GLRA3: variants seen among roughly 807,000 people sequenced by gnomAD.
GLRA3 encodes glycine receptor subunit alpha-3.
GLRA3 carries 44 observed loss-of-function variants against 60.4 expected under a neutral mutation model. The ratio of observed to expected loss-of-function variants is 0.73; its 90% CI spans 0.57 to 0.94. GLRA3 has a LOEUF of 0.94. Among genes scored for constraint, GLRA3 ranks in the 40% least tolerant of loss-of-function variants. GLRA3 has a pLI of 0.00. For missense variants in GLRA3, 508 were observed against 564.6 expected, an observed-to-expected ratio of 0.90 and a Z score of 1.02; for synonymous variants, 223 against 192.9, an observed-to-expected ratio of 1.16 and a Z score of -1.29.
chr4:174,788,980 G>A, intron 1 of GLRA3, 37 bp from the exon 2 acceptor site: 1 of 1,395,052 alleles, frequency 7.2e-7, no homozygotes, highest in Non-Finnish European at 9.8e-7. Context: ...TTTACAAAAA[G>A]AAGTATTTCT....
chr4:174,753,877 G>A (rs75096779), intron 3 of GLRA3, among the ~76,000 whole-genome samples: 8,134 of 151,982 alleles, frequency 0.054, 286 homozygotes, highest in Non-Finnish European at 0.059. Context: ...TTTACTTGTC[G>A]AAAGGAAACT....
Position 174,643,537 on chromosome 4 carries a change from A to G in GLRA3, c.*249T>C. 1 of 1,154,754 alleles carries G rather than the reference A, an allele frequency of 8.7e-7. No individual in the cohort carries two copies. The highest frequency in any genetic ancestry group is 1.1e-6 in the Non-Finnish European group (1 of 934,006). 71.5% of individuals were successfully genotyped at this position (1,154,754 alleles called of 1,614,324 possible). A position where few individuals can be genotyped will look rare whatever the true frequency, so the allele number is the denominator to read the frequency against. On this transcript the variant is annotated 3_prime_UTR_variant, in exon 10 of 10. Transcript: ENST00000274093. ...AGTAAAGCTTCCACTTACATGGTTTACTGTGAAAAAACAAATCACCTGGAA... is the reference window on the plus strand; with the variant it reads ...AGTAAAGCTTCCACTTACATGGTTTGCTGTGAAAAAACAAATCACCTGGAA...
intron 1 of GLRA3, among the ~76,000 whole-genome samples, chr4:174,820,160 T>A (rs1423822694): frequency 6.6e-6 from 1 of 152,120 alleles, no homozygotes; most frequent in African/African-American, 2.4e-5. Context: ...TTTTTAGATA[T>A]TTTTTTCTAG....
chr4:174,681,116 T>A (rs1450531898), intron 6 of GLRA3, among the ~76,000 whole-genome samples: 1 of 152,192 alleles, frequency 6.6e-6, no homozygotes. Flanking sequence ...AGTTGTAAGA[T>A]CTCTACGATA....
At position 174,651,077 on chromosome 4, in the gene GLRA3, G is replaced by A. The variant is rs576970286; in HGVS notation, c.1116+5666C>T. Among the ~76,000 whole-genome samples the A allele has an allele frequency of 1.1e-4, 17 of 152,282 alleles. No individual in the cohort carries two copies. In the South Asian group the frequency reaches 2.3e-3, roughly 20 times the overall value. ...TGTTTACGTTGTAACAAAAGCCATA[G>A]CTGAATATACTATTAAGGGCTTGGA... is the stretch of plus-strand genomic sequence containing the variant. On this transcript the variant is annotated intron_variant, in intron 9 of 9. Transcript: ENST00000274093.
At chr4:174,724,048 T>TTG (rs34150138) in intron 4 of GLRA3, among the ~76,000 whole-genome samples, 44 of 149,692 alleles carry the variant, frequency 2.9e-4, no homozygotes, top group Non-Finnish European at 4.3e-4. Context: ...ATATATATAT[T>TTG]TGTGTGTGTG....
In GLRA3 at chr4:174,788,950, A is replaced by G. The variant is rs201694006; in HGVS notation, c.72-7T>C. On this transcript the variant is annotated splice_polypyrimidine_tract_variant and splice_region_variant and intron_variant, in intron 1 of 9. Transcript: ENST00000274093. ...TTCCTTTGTGGCAACCAAACTACAA[A>G]TAAGAACAAAAATATAGACTTTACA... 1.5e-4 allele frequency: 232 copies of G among 1,559,440 alleles called. 1 individual carries two copies. The highest frequency in any genetic ancestry group is 1.8e-4 in the Non-Finnish European group (206 of 1,148,682).
Position 174,788,896 on chromosome 4 carries a change from G to A in GLRA3, c.119C>T (p.Pro40Leu), listed in dbSNP as rs1739222918. The change falls in exon 2 of 10, where the codon CCA becomes CTA. Residue 40 changes from proline (P) to leucine (L), a missense_variant. Coordinates refer to ENST00000274093, the MANE Select transcript of GLRA3 (RefSeq NM_006529.4). ...ETDSARSRSA[P>L]MSPSDFLDKL... ...ATCCAGAAAATCAGAAGGTGACATTGGAGCACTTCGAGATCTTGCACTGTC... is the reference window on the plus strand; with the variant it reads ...ATCCAGAAAATCAGAAGGTGACATTAGAGCACTTCGAGATCTTGCACTGTC... The A allele has an allele frequency of 7.5e-6, 12 of 1,607,282 alleles. No homozygotes were observed. Among genetic ancestry groups the A allele is most frequent in the Non-Finnish European group, 1.0e-5 (12 of 1,175,068 alleles).
At chr4:174,677,858 C>T (rs535091773) in intron 6 of GLRA3, among the ~76,000 whole-genome samples, 3 of 152,148 alleles carry the variant, frequency 2.0e-5, no homozygotes, top group African/African-American at 7.2e-5. Context: ...TCAAGATATC[C>T]AAAGATTTAT....
At chr4:174,823,579 T>C (rs542945057) in intron 1 of GLRA3, among the ~76,000 whole-genome samples, 2 of 152,204 alleles carry the variant, frequency 1.3e-5, no homozygotes, top group South Asian at 2.1e-4. Flanking sequence ...TGCAAGTATA[T>C]AAATAATCCT....
At position 174,638,585 on chromosome 4, in the gene GLRA3, C is replaced by T. The variant is rs1431324248; in HGVS notation, c.*5201G>A. On this transcript the variant is annotated 3_prime_UTR_variant, in exon 10 of 10. Coordinates refer to ENST00000274093, the MANE Select transcript of GLRA3 (RefSeq NM_006529.4). ...TGCTGGGATTACAGGCGTGAGCCAC[C>T]TGGCCGGGCCTATTTTTAATTCTAA... The T allele has an allele frequency of 6.6e-6, 1 of 152,168 alleles. No homozygotes were observed. The highest frequency in any genetic ancestry group is 1.5e-5 in the Non-Finnish European group (1 of 68,038). The allele number at this position is 152,168 out of a possible 1,614,324, so 9.4% of individuals were successfully genotyped here.
At chr4:174,819,073 T>C (rs1560818715) in intron 1 of GLRA3, among the ~76,000 whole-genome samples, 1 of 152,190 alleles carries the variant, frequency 6.6e-6, no homozygotes, top group Non-Finnish European at 1.5e-5. Flanking sequence ...ATGTTTGTCT[T>C]GTTTAACCTA....
intron 8 of GLRA3, among the ~76,000 whole-genome samples, chr4:174,658,517 C>T (rs1477838368): frequency 9.9e-5 from 15 of 152,134 alleles, no homozygotes; most frequent in Admixed American, 9.8e-4. Context: ...AGCCAGGCAA[C>T]AAAAGCACTT....
intron 9 of GLRA3, among the ~76,000 whole-genome samples, chr4:174,644,628 T>C (rs1015619355): frequency 6.6e-5 from 10 of 152,196 alleles, no homozygotes; most frequent in Admixed American, 4.6e-4. Context: ...CTAACCTTTT[T>C]GGAATACTTA....
At chr4:174,664,163 C>T (rs1733569798) in intron 7 of GLRA3, among the ~76,000 whole-genome samples, 1 of 152,142 alleles carries the variant, frequency 6.6e-6, no homozygotes, top group Non-Finnish European at 1.5e-5. Flanking sequence ...CTTTCTTTTC[C>T]TGAGCTGCTT....
intron 5 of GLRA3, chr4:174,712,437 T>C (rs1282184391): frequency 6.6e-6 from 1 of 152,160 alleles, no homozygotes; most frequent in Admixed American, 6.5e-5. Context: ...ATATGTGGAA[T>C]ATATTAGGTA....
rs768862714 is a variant in GLRA3 at position 174,682,829 on chromosome 4, G to A, written c.685C>T (p.Arg229Ter). ...QFLLKEEKDL[R>*]YCTKHYNTGK... ...GTATTGTAATGTTTAGTGCAGTATC[G>A]TAAATCTTTTTCTTCTTTCAACAGA... is the stretch of plus-strand genomic sequence containing the variant. The change falls in exon 6 of 10, where the codon CGA becomes TGA. Residue 229 changes from arginine (R) to a stop codon, truncating the protein, a stop_gained. Transcript: ENST00000274093. LOFTEE classifies it high-confidence loss of function. The A allele has an allele frequency of 6.2e-6, 10 of 1,612,538 alleles. No individual in the cohort carries two copies. Among genetic ancestry groups the A allele is most frequent in the African/African-American group, 2.7e-5 (2 of 74,908 alleles).
intron 3 of GLRA3, among the ~76,000 whole-genome samples, chr4:174,766,392 C>T (rs964452722): frequency 2.0e-5 from 3 of 151,864 alleles, no homozygotes; most frequent in African/African-American, 7.3e-5. Flanking sequence ...GCAGAGATAC[C>T]ATGTGCTCTT....
At chr4:174,666,681 T>C (rs148124293) in intron 7 of GLRA3, among the ~76,000 whole-genome samples, 9 of 149,986 alleles carry the variant, frequency 6.0e-5, no homozygotes, top group Non-Finnish European at 8.9e-5. Flanking sequence ...GCAGTTTTTC[T>C]TTTTTGCAAA....
Sources: gnomAD v4.1 joint callset for allele counts (sites outside exome capture counted in the v4.1 genomes callset) on GRCh38, gnomAD v4.1.1 for gene constraint, MANE v1.5 for transcripts, NCBI Gene and HGNC (gene_info 2026-07-23, HGNC 2026-07-21) for gene names.